Variants in ARHGAP15 observed in about 807,000 individuals in gnomAD.
ARHGAP15 encodes rho GTPase-activating protein 15.
ARHGAP15 carries 51 observed loss-of-function variants against 63.7 expected under a neutral mutation model. The ratio of observed to expected loss-of-function variants is 0.80; its 90% CI spans 0.64 to 1.01. The LOEUF is 1.01. Among genes scored for constraint, ARHGAP15 ranks in the 50% least tolerant of loss-of-function variants. The pLI is 0.00. For synonymous variants in ARHGAP15, 191 were observed against 193.8 expected (o/e 0.99, Z 0.12); for missense variants, 560 against 564.6 (o/e 0.99, Z 0.08).
chr2:143,391,712 A>C (rs1444389749), intron 6 of ARHGAP15, among the ~76,000 whole-genome samples: 1 of 152,214 alleles, frequency 6.6e-6, no homozygotes, highest in Non-Finnish European at 1.5e-5. Flanking sequence ...CTTGCAGAGC[A>C]GGATACCCCT....
intron 2 of ARHGAP15, among the ~76,000 whole-genome samples, chr2:143,155,922 G>A (rs935075546): frequency 6.6e-6 from 1 of 151,658 alleles, no homozygotes; most frequent in Non-Finnish European, 1.5e-5. Context: ...CTACTATCAT[G>A]CTTCAGTGTC....
chr2:143,669,057 A>G (rs1465709710), intron 12 of ARHGAP15, among the ~76,000 whole-genome samples: 1 of 152,210 alleles, frequency 6.6e-6, no homozygotes, highest in African/African-American at 2.4e-5. Flanking sequence ...CCTGAGCTTA[A>G]ACCTTAAAAC....
At chr2:143,165,990 GAAA>G (rs766123678) in intron 2 of ARHGAP15, among the ~76,000 whole-genome samples, 7 of 126,718 alleles carry the variant, frequency 5.5e-5, no homozygotes, top group South Asian at 2.5e-4. Flanking sequence ...AAGAAAGAAA[GAAA>G]GAAAGAAAGA....
intron 12 of ARHGAP15, among the ~76,000 whole-genome samples, chr2:143,665,134 AT>A (rs1263401365): frequency 1.3e-4 from 19 of 151,212 alleles, no homozygotes; most frequent in African/African-American, 4.4e-4. Flanking sequence ...TTTTAGACCA[AT>A]ATCCTTGATG....
At chr2:143,618,484 A>G (rs892515445) in intron 11 of ARHGAP15, among the ~76,000 whole-genome samples, 4 of 152,158 alleles carry the variant, frequency 2.6e-5, no homozygotes, top group African/African-American at 9.7e-5. Context: ...AGTTCTTTTC[A>G]CTGTATTAAT....
chr2:143,331,190 CT>C (rs1684532094), intron 6 of ARHGAP15, among the ~76,000 whole-genome samples: 1 of 152,072 alleles, frequency 6.6e-6, no homozygotes, highest in South Asian at 2.1e-4. Context: ...ATTTTTCCCC[CT>C]GGGAACTACA....
At chr2:143,230,593 C>T (rs1382165206) in intron 5 of ARHGAP15, among the ~76,000 whole-genome samples, 1 of 152,188 alleles carries the variant, frequency 6.6e-6, no homozygotes, top group African/African-American at 2.4e-5. Flanking sequence ...CAATTCATGG[C>T]AGGAACTAAC....
chr2:143,303,507 A>G (rs977909976), intron 6 of ARHGAP15, among the ~76,000 whole-genome samples: 1 of 152,242 alleles, frequency 6.6e-6, no homozygotes, highest in South Asian at 2.1e-4. Flanking sequence ...CTAAAACCAT[A>G]AAAACTCTAG....
intron 11 of ARHGAP15, among the ~76,000 whole-genome samples, chr2:143,584,836 T>A (rs1697048668): frequency 6.6e-6 from 1 of 152,138 alleles, no homozygotes; most frequent in Non-Finnish European, 1.5e-5. Context: ...TTGATCTACA[T>A]TTCTGAATAG....
At chr2:143,365,637 T>G (rs888402242) in intron 6 of ARHGAP15, among the ~76,000 whole-genome samples, 1 of 152,250 alleles carries the variant, frequency 6.6e-6, no homozygotes, top group Admixed American at 6.5e-5. Flanking sequence ...TTACAGAGCC[T>G]GGATTATAAA....
chr2:143,536,207 C>T (rs1209939661), intron 10 of ARHGAP15, among the ~76,000 whole-genome samples: 1 of 152,122 alleles, frequency 6.6e-6, no homozygotes, highest in Non-Finnish European at 1.5e-5. Context: ...CTACCGTCCG[C>T]CTAATCATAC....
intron 12 of ARHGAP15, among the ~76,000 whole-genome samples, chr2:143,686,280 G>A (rs945527508): frequency 2.4e-5 from 1 of 41,248 alleles, no homozygotes; most frequent in African/African-American, 5.5e-5. Context: ...GGCTATTCAG[G>A]AGGCTGAGGT....
chr2:143,303,515 T>C (rs796776309), intron 6 of ARHGAP15, among the ~76,000 whole-genome samples: 1 of 151,906 alleles, frequency 6.6e-6, no homozygotes, highest in South Asian at 2.1e-4. Context: ...ATAAAAACTC[T>C]AGAAGAAAAG....
chr2:143,365,305 C>A (rs528363191), intron 6 of ARHGAP15, among the ~76,000 whole-genome samples: 252 of 152,320 alleles, frequency 1.7e-3, no homozygotes, highest in Admixed American at 2.8e-3. Flanking sequence ...CCTGAGCCAT[C>A]TATTAGGACA....
intron 8 of ARHGAP15, among the ~76,000 whole-genome samples, chr2:143,446,488 A>G (rs1227979039): frequency 6.6e-6 from 1 of 152,118 alleles, no homozygotes; most frequent in African/African-American, 2.4e-5. Context: ...TCTGGTTAAC[A>G]TATATCCTTT....
intron 6 of ARHGAP15, among the ~76,000 whole-genome samples, chr2:143,323,186 G>C (rs956604446): frequency 6.6e-6 from 1 of 152,204 alleles, no homozygotes; most frequent in South Asian, 2.1e-4. Context: ...TTCACAGATT[G>C]AGAAGGAACA....
At chr2:143,504,137 T>C (rs796269782) in intron 9 of ARHGAP15, among the ~76,000 whole-genome samples, 1 of 152,318 alleles carries the variant, frequency 6.6e-6, no homozygotes, top group East Asian at 1.9e-4. Flanking sequence ...AGAACAGCCT[T>C]AGATGAAATG....
intron 6 of ARHGAP15, among the ~76,000 whole-genome samples, chr2:143,301,066 G>C: frequency 6.6e-6 from 1 of 151,556 alleles, no homozygotes; most frequent in East Asian, 2.0e-4. Context: ...GCCCTTTCCT[G>C]GTGACTGTAT....
intron 13 of ARHGAP15, among the ~76,000 whole-genome samples, chr2:143,713,506 C>T (rs1041885922): frequency 6.6e-6 from 1 of 152,266 alleles, no homozygotes; most frequent in East Asian, 1.9e-4. Context: ...TATATCAAAA[C>T]CAATCATGCC....
Sources: allele counts gnomAD v4.1 joint callset (sites outside exome capture counted in the v4.1 genomes callset), GRCh38; gene constraint gnomAD v4.1.1; transcripts MANE v1.5; gene names NCBI Gene and HGNC (gene_info 2026-07-23, HGNC 2026-07-21).